Variants in NRG1 observed in about 807,000 individuals in gnomAD.
NRG1 encodes the protein pro-neuregulin-1, membrane-bound isoform.
Under a neutral mutation model 63.8 loss-of-function variants are expected in NRG1, and 18 were observed. That is an observed-to-expected ratio of 0.28 (90% CI 0.19 to 0.42). The LOEUF is 0.42. NRG1 is among the 10% of genes least tolerant of loss of function. The pLI is 1.00. For synonymous variants in NRG1, 302 were observed against 301.3 expected (o/e 1.00, Z -0.02); for missense variants, 762 against 814.7 (o/e 0.94, Z 0.79).
At chr8:31,924,585 T>G (rs562905512) in intron 1 of NRG1, among the ~76,000 whole-genome samples, 2 of 149,486 alleles carry the variant, frequency 1.3e-5, no homozygotes, top group African/African-American at 4.9e-5. Flanking sequence ...ATGTTCTCTA[T>G]TGTACACTTT....
chr8:32,706,554 T>A lies in NRG1; in HGVS notation c.503-21395T>A, dbSNP rs201951820. Among the ~76,000 whole-genome samples the A allele has an allele frequency of 2.1e-4, 4 of 19,166 alleles. No individual in the cohort carries two copies. The Admixed American group carries it at 2.1e-3, about 10-fold the overall frequency. 12.6% of individuals were successfully genotyped at this position (19,166 alleles called of 152,430 possible). ...TAAGAAGTGCATGGGTATATATAGG[T>A]GTGTGTGTGTGTGTGTGTTTGTGTG... On this transcript the variant is annotated intron_variant, in intron 5 of 11. Transcript: ENST00000356819.
chr8:31,758,918 G>C (rs182995478), intron 1 of NRG1, among the ~76,000 whole-genome samples: 2 of 152,234 alleles, frequency 1.3e-5, no homozygotes, highest in Admixed American at 1.3e-4. Flanking sequence ...TCTAGCCAAT[G>C]CTTTAATGTC....
intron 1 of NRG1, among the ~76,000 whole-genome samples, chr8:32,176,878 T>C (rs1218172934): frequency 1.3e-5 from 2 of 152,114 alleles, no homozygotes; most frequent in Non-Finnish European, 2.9e-5. Flanking sequence ...ACACTGTTGG[T>C]GGGACTGTAA....
chr8:32,024,745 T>G (rs935836635), intron 1 of NRG1, among the ~76,000 whole-genome samples: 1 of 152,182 alleles, frequency 6.6e-6, no homozygotes, highest in Non-Finnish European at 1.5e-5. Flanking sequence ...AGTAAAATAT[T>G]CTTTAATTAT....
intron 1 of NRG1, among the ~76,000 whole-genome samples, chr8:31,847,832 C>T (rs1826834613): frequency 6.6e-6 from 1 of 152,176 alleles, no homozygotes; most frequent in Non-Finnish European, 1.5e-5. Flanking sequence ...AGGCCTTTAA[C>T]ATTGTTGTAT....
intron 1 of NRG1, among the ~76,000 whole-genome samples, chr8:31,902,327 A>G (rs1832152616): frequency 6.6e-6 from 1 of 152,194 alleles, no homozygotes; most frequent in Non-Finnish European, 1.5e-5. Flanking sequence ...TCCAGGAATG[A>G]GAATGAACAG....
At chr8:32,025,533 T>C (rs774917745) in intron 1 of NRG1, among the ~76,000 whole-genome samples, 1 of 152,134 alleles carries the variant, frequency 6.6e-6, no homozygotes, top group Non-Finnish European at 1.5e-5. Context: ...TGACCTCAAA[T>C]AAATGTTTTA....
chr8:32,560,152 T>C (rs185417827), intron 1 of NRG1, among the ~76,000 whole-genome samples: 6 of 152,266 alleles, frequency 3.9e-5, no homozygotes, highest in Admixed American at 2.0e-4. Context: ...TTATTTTCTA[T>C]AATACAGAAA....
chr8:31,759,685 C>T (rs990621072), intron 1 of NRG1, among the ~76,000 whole-genome samples: 1 of 152,082 alleles, frequency 6.6e-6, no homozygotes, highest in Non-Finnish European at 1.5e-5. Context: ...GATGTTTTAG[C>T]AATTTGAAAT....
intron 1 of NRG1, among the ~76,000 whole-genome samples, chr8:32,369,873 C>T (rs1437885431): frequency 6.6e-6 from 1 of 151,982 alleles, no homozygotes; most frequent in East Asian, 1.9e-4. Context: ...TGTTTTAAAA[C>T]TCAGGAGAAA....
chr8:32,708,250 A>G (rs950167086), intron 5 of NRG1, among the ~76,000 whole-genome samples: 2 of 152,216 alleles, frequency 1.3e-5, no homozygotes, highest in African/African-American at 4.8e-5. Context: ...AAAATAATGC[A>G]TAGAAGGAAA....
chr8:31,737,795 T>C (rs1267524664), intron 1 of NRG1, among the ~76,000 whole-genome samples: 1 of 152,094 alleles, frequency 6.6e-6, no homozygotes, highest in Non-Finnish European at 1.5e-5. Flanking sequence ...CCCTAAGATT[T>C]GACAAGAAAG....
intron 1 of NRG1, among the ~76,000 whole-genome samples, chr8:31,692,024 G>A (rs1441037714): frequency 2.6e-5 from 4 of 152,088 alleles, no homozygotes; most frequent in Non-Finnish European, 5.9e-5. Flanking sequence ...GAAGAGATGA[G>A]GTCTTGCTAT....
intron 1 of NRG1, among the ~76,000 whole-genome samples, chr8:32,015,353 G>A (rs533208370): frequency 6.6e-6 from 1 of 152,132 alleles, no homozygotes; most frequent in Non-Finnish European, 1.5e-5. Context: ...CTTCCAGCTT[G>A]TCTCTTAGTT....
At chr8:32,391,275 C>A (rs1811731555) in intron 1 of NRG1, among the ~76,000 whole-genome samples, 1 of 151,982 alleles carries the variant, frequency 6.6e-6, no homozygotes, top group African/African-American at 2.4e-5. Flanking sequence ...GGATTACAGG[C>A]ATGCACCACC....
At chr8:32,176,752 G>C (rs1167957130) in intron 1 of NRG1, among the ~76,000 whole-genome samples, 3 of 152,156 alleles carry the variant, frequency 2.0e-5, no homozygotes, top group Non-Finnish European at 4.4e-5. Context: ...GGCCATCAGA[G>C]AAATGCAAAT....
intron 5 of NRG1, among the ~76,000 whole-genome samples, chr8:32,720,117 A>G (rs561360142): frequency 1.1e-4 from 16 of 152,240 alleles, no homozygotes; most frequent in African/African-American, 3.8e-4. Context: ...TAGTTGGTGA[A>G]TAAATTAACA....
At chr8:32,048,978 G>A (rs1821547943) in intron 1 of NRG1, among the ~76,000 whole-genome samples, 1 of 151,984 alleles carries the variant, frequency 6.6e-6, no homozygotes, top group African/African-American at 2.4e-5. Context: ...AGCATTCTGT[G>A]GCTCCATGGT....
chr8:32,504,517 A>G (rs1179182754), intron 1 of NRG1, among the ~76,000 whole-genome samples: 2 of 152,196 alleles, frequency 1.3e-5, no homozygotes, highest in Non-Finnish European at 2.9e-5. Context: ...TGGTAATACC[A>G]TCATGAAGTG....
Sources: allele counts gnomAD v4.1 joint callset (sites outside exome capture counted in the v4.1 genomes callset), GRCh38; gene constraint gnomAD v4.1.1; transcripts MANE v1.5; gene names NCBI Gene and HGNC (gene_info 2026-07-23, HGNC 2026-07-21).